Variants in NBPF9 observed in about 807,000 individuals in gnomAD.
NBPF9 encodes NBPF member 9, also known as NBPF family member NBPF9.
In NBPF9, 91 loss-of-function variants were observed where a neutral mutation model predicts 97.8. The observed-to-expected ratio is 0.93, with a 90% CI of 0.79 to 1.11. The LOEUF is 1.11. Ranked by LOEUF, NBPF9 falls within the 50% of genes least tolerant of loss-of-function variation. The pLI is 0.00. For missense variants in NBPF9, 992 were observed against 939.5 expected, an observed-to-expected ratio of 1.06 and a Z score of -0.73; for synonymous variants, 334 against 359.5, an observed-to-expected ratio of 0.93 and a Z score of 0.80.
chr1:149,069,108 G>A (rs1332180207), intron 17 of NBPF9, among the ~76,000 whole-genome samples: 2 of 152,060 alleles, frequency 1.3e-5, no homozygotes, highest in Admixed American at 6.6e-5. Context: ...GAATCTCTGG[G>A]ACACATTTAA....
chr1:149,059,177 A>C lies in NBPF9; in HGVS notation c.2586-80T>G. ...GCCCCAGCTAGATTTCATGGCTAAC[A>C]TAAGGAACTGTTTAAAAAGAAAAAG... On this transcript the variant is annotated intron_variant, in intron 25 of 29. Transcript: ENST00000584027. The C allele has an allele frequency of 9.4e-6, 4 of 426,740 alleles. 1 individual carries two copies. Among genetic ancestry groups the C allele is most frequent in the Non-Finnish European group, 1.7e-5 (4 of 232,586 alleles). 26.4% of individuals were successfully genotyped at this position (426,740 alleles called of 1,614,324 possible).
At chr1:149,063,608 A>T (rs1278650878) in intron 20 of NBPF9, 25 bp downstream of exon 20, 3 of 607,872 alleles carry the variant, frequency 4.9e-6, no homozygotes, top group African/African-American at 2.1e-5. Context: ...GTGGATCCTT[A>T]TCACCTTCAT....
At chr1:149,055,957 C>T in intron 29 of NBPF9, 58 bp from the exon 30 acceptor site, 1 of 1,611,514 alleles carries the variant, frequency 6.2e-7, no homozygotes, top group Non-Finnish European at 8.5e-7. Context: ...CCACAGAGCC[C>T]CACTAGATTT....
rs1483317676 is a variant in NBPF9, at chr1:149,082,952, CTTTTCTTTTTT to C, written c.-194-533_-194-523del. ...CCGCCACCACGCCTGGCTAATTTTT[CTTTTCTTTTTT>C]TTTTTTTTTTTTTTTTTTTGTATTT... On this transcript the variant is annotated intron_variant, in intron 5 of 29. Transcript: ENST00000584027. 1.5e-4 allele frequency among the ~76,000 whole-genome samples: 9 copies of C among 60,986 alleles called. No homozygotes were observed. In the Admixed American group the frequency reaches 1.6e-3, roughly 11 times the overall value. The allele number at this position is 60,986 out of a possible 152,430, so 40.0% of individuals were successfully genotyped here.
chr1:149,099,708 G>A (rs2082019722), intron 3 of NBPF9, among the ~76,000 whole-genome samples: 1 of 152,150 alleles, frequency 6.6e-6, no homozygotes, highest in African/African-American at 2.4e-5. Context: ...AAAATGGCCA[G>A]CGGTGATGGC....
At position 149,055,637 on chromosome 1, in the gene NBPF9, T is replaced by C. The variant is rs782570770; in HGVS notation, c.*19A>G. The C allele has an allele frequency of 3.1e-6, 5 of 1,611,692 alleles. No individual in the cohort carries two copies. The South Asian group carries it at 5.5e-5, about 18-fold the overall frequency. On this transcript the variant is annotated 3_prime_UTR_variant, in exon 30 of 30. Transcript: ENST00000584027. Reference sequence around the variant, plus strand: ...GTCCTGCCTGCAGGAATGACATCTCTCGGCTTAGTAAGGGCTGCTTATTGT... The same window carrying C: ...GTCCTGCCTGCAGGAATGACATCTCCCGGCTTAGTAAGGGCTGCTTATTGT...
chr1:149,083,104 G>A (rs1209858444), intron 5 of NBPF9, among the ~76,000 whole-genome samples: 1 of 151,404 alleles, frequency 6.6e-6, no homozygotes, highest in Non-Finnish European at 1.5e-5. Flanking sequence ...CACCGCGCCC[G>A]GCCGACTTCT....
At chr1:149,082,820 C>T (rs1187064318) in intron 5 of NBPF9, among the ~76,000 whole-genome samples, 2 of 148,216 alleles carry the variant, frequency 1.3e-5, no homozygotes, top group African/African-American at 4.9e-5. Flanking sequence ...CACTCTGTCG[C>T]CCAGGCTGGA....
At chr1:149,062,551 C>T (rs2078693239) in intron 21 of NBPF9, among the ~76,000 whole-genome samples, 1 of 142,058 alleles carries the variant, frequency 7.0e-6, no homozygotes, top group African/African-American at 2.6e-5. Context: ...TGAGTTAGTG[C>T]CCTCGGGACA....
chr1:149,062,682 G>T (rs1274892544), intron 21 of NBPF9, among the ~76,000 whole-genome samples, 180 bp downstream of exon 21: 3 of 151,106 alleles, frequency 2.0e-5, no homozygotes, highest in Admixed American at 2.0e-4. Context: ...GTTAGTAAAT[G>T]ATAAGGGGAG....
chr1:149,102,423 G>A (rs1553245165), intron 2 of NBPF9, among the ~76,000 whole-genome samples: 1 of 151,602 alleles, frequency 6.6e-6, no homozygotes, highest in African/African-American at 2.4e-5. Context: ...TCAGAACAAA[G>A]ACTAAACACT....
intron 20 of NBPF9, 48 bp downstream of exon 20, chr1:149,063,585 A>T: frequency 1.6e-6 from 1 of 613,264 alleles, no homozygotes; most frequent in South Asian, 2.0e-5. Context: ...TATGACCCTA[A>T]CCAGAAGACT....
At chr1:149,082,207 T>A (rs2080530963) in intron 6 of NBPF9, 33 bp from the exon 7 acceptor site, 1 of 1,588,464 alleles carries the variant, frequency 6.3e-7, no homozygotes, top group African/African-American at 1.3e-5. Flanking sequence ...TATGATGGGT[T>A]AAAAACTGGT....
intron 5 of NBPF9, among the ~76,000 whole-genome samples, chr1:149,084,034 C>G (rs1388005244): frequency 1.3e-5 from 2 of 150,274 alleles, no homozygotes; most frequent in Non-Finnish European, 3.0e-5. Context: ...GCATTGGTGT[C>G]TTTGTTTTTA....
intron 17 of NBPF9, among the ~76,000 whole-genome samples, chr1:149,068,196 C>G (rs1245691072): frequency 1.3e-5 from 2 of 148,986 alleles, no homozygotes; most frequent in African/African-American, 2.5e-5. Flanking sequence ...AGACCATTGA[C>G]GCTAGGAAGA....
At chr1:149,089,162 C>G (rs1575869988) in intron 5 of NBPF9, among the ~76,000 whole-genome samples, 1 of 152,168 alleles carries the variant, frequency 6.6e-6, no homozygotes, top group East Asian at 1.9e-4. Context: ...GCATCTCCCG[C>G]CATGACCTCC....
chr1:149,093,025 G>A (rs1469916818), intron 4 of NBPF9, among the ~76,000 whole-genome samples: 3 of 151,804 alleles, frequency 2.0e-5, no homozygotes, highest in East Asian at 2.0e-4. Flanking sequence ...GACCCATGCC[G>A]GCACTGGCCT....
chr1:149,081,460 G>A (rs1332882513), intron 7 of NBPF9, among the ~76,000 whole-genome samples: 2 of 150,354 alleles, frequency 1.3e-5, no homozygotes, highest in African/African-American at 2.4e-5. Context: ...GGTAGCACAG[G>A]TTCTATTAGG....
intron 12 of NBPF9, among the ~76,000 whole-genome samples, 196 bp downstream of exon 12, chr1:149,075,459 T>C (rs1235866584): frequency 4.6e-5 from 7 of 152,104 alleles, no homozygotes; most frequent in Admixed American, 1.3e-4. Context: ...CCCCACCTGA[T>C]TGCAAACATG....
Sources: gnomAD v4.1 joint callset for allele counts (sites outside exome capture counted in the v4.1 genomes callset) on GRCh38, gnomAD v4.1.1 for gene constraint, MANE v1.5 for transcripts, NCBI Gene and HGNC (gene_info 2026-07-23, HGNC 2026-07-21) for gene names.